PIGB: variants seen among roughly 807,000 people sequenced by gnomAD.
PIGB encodes phosphatidylinositol glycan anchor biosynthesis class B, also known as GPI alpha-1,2-mannosyltransferase 3.
A neutral mutation model predicts 68.4 loss-of-function variants in PIGB; 58 were observed. The observed-to-expected ratio is 0.85, with a 90% CI of 0.69 to 1.06. The LOEUF is 1.06. PIGB is among the 50% of genes least tolerant of loss of function. PIGB has a pLI of 0.00. For missense variants in PIGB, 634 were observed against 655.8 expected (o/e 0.97, Z 0.36); for synonymous variants, 219 against 220.5 (o/e 0.99, Z 0.06).
At chr15:55,329,919 C>T (rs1018513511) in intron 5 of PIGB, 65 bp downstream of exon 5, 1 of 1,242,146 alleles carries the variant, frequency 8.1e-7, no homozygotes, top group African/African-American at 1.5e-5. Flanking sequence ...TAAATATCAA[C>T]ATATTGTAAT....
chr15:55,355,602 T>C lies in PIGB; in HGVS notation c.*170T>C, dbSNP rs1202874839. 3.1e-5 allele frequency: 14 copies of C among 458,146 alleles called. No homozygotes were observed. The highest frequency in any genetic ancestry group is 4.0e-5 in the African/African-American group (2 of 49,656). The allele number at this position is 458,146 out of a possible 1,614,324, so 28.4% of individuals were successfully genotyped here. A position where few individuals can be genotyped will look rare whatever the true frequency, so the allele number is the denominator to read the frequency against. ...AAATACCACATAGTATAAAATTACA[T>C]GTTAATACAATGCCAGATTTTAAAT... On this transcript the variant is annotated 3_prime_UTR_variant, in exon 12 of 12. Transcript: ENST00000164305.
At chr15:55,339,154 T>C (rs2055605620) in intron 6 of PIGB, 113 bp from the exon 7 acceptor site, 1 of 716,178 alleles carries the variant, frequency 1.4e-6, no homozygotes, top group South Asian at 1.7e-5. Flanking sequence ...TTGGTGAAAC[T>C]GTAAAGCATT....
At chr15:55,323,738 CTGT>C (rs1232576275) in intron 3 of PIGB, among the ~76,000 whole-genome samples, 1 of 152,174 alleles carries the variant, frequency 6.6e-6, no homozygotes, top group East Asian at 1.9e-4. Context: ...GGGGTCATCT[CTGT>C]TGTTACTTTT....
At position 55,350,804 on chromosome 15, in the gene PIGB, G is replaced by A. The variant is rs1177927575; in HGVS notation, c.1229G>A (p.Gly410Asp). ...TATACTGGTTTAGTTCATCAACGAG[G>A]TACTCTTGATGTCATGAGTCATATT... ...ALYTGLVHQR[G>D]TLDVMSHIQK... The change falls in exon 10 of 12, where the codon GGT becomes GAT. Residue 410 changes from glycine to aspartate, a missense_variant. Transcript: ENST00000164305. The A allele has an allele frequency of 1.2e-6, 2 of 1,604,196 alleles. No homozygotes were observed.
chr15:55,353,151 A>G (rs1337669491), intron 10 of PIGB, among the ~76,000 whole-genome samples: 1 of 152,216 alleles, frequency 6.6e-6, no homozygotes, highest in African/African-American at 2.4e-5. Flanking sequence ...TTGATGTCTT[A>G]GGCTTTGAAT....
At chr15:55,343,112 T>A (rs1012759128) in intron 9 of PIGB, 1 of 152,180 alleles carries the variant, frequency 6.6e-6, no homozygotes, top group Non-Finnish European at 1.5e-5. Flanking sequence ...GTATAATCTC[T>A]TCAATTTAAG....
chr15:55,332,375 T>G (rs1347571270), intron 5 of PIGB, among the ~76,000 whole-genome samples: 1 of 152,052 alleles, frequency 6.6e-6, no homozygotes, highest in Admixed American at 6.6e-5. Context: ...TCTTTTTTTT[T>G]TTTCTTTTTT....
chr15:55,333,782 A>C, intron 5 of PIGB, 85 bp from the exon 6 acceptor site: 2 of 1,009,952 alleles, frequency 2.0e-6, no homozygotes, highest in Non-Finnish European at 2.8e-6. Context: ...TTTATACCAA[A>C]AGGAAAATGT....
intron 9 of PIGB, among the ~76,000 whole-genome samples, chr15:55,343,807 C>T (rs2141205991): frequency 6.6e-6 from 1 of 152,278 alleles, no homozygotes; most frequent in African/African-American, 2.4e-5. Flanking sequence ...CCTCCACACC[C>T]TACCTAAGGT....
At chr15:55,338,076 G>A (rs1466394673) in intron 6 of PIGB, among the ~76,000 whole-genome samples, 2 of 152,184 alleles carry the variant, frequency 1.3e-5, no homozygotes, top group African/African-American at 2.4e-5. Context: ...GGACAAGGTG[G>A]TGCTGCTAAT....
At chr15:55,340,462 A>C in intron 7 of PIGB, 150 bp from the exon 8 acceptor site, 1 of 492,030 alleles carries the variant, frequency 2.0e-6, no homozygotes, top group Non-Finnish European at 3.5e-6. Context: ...TCTTAAAAAA[A>C]AAAAAAAAAA....
chr15:55,349,908 A>G (rs2055884640), intron 9 of PIGB: 1 of 152,220 alleles, frequency 6.6e-6, no homozygotes, highest in South Asian at 2.1e-4. Flanking sequence ...TTCTCAGTAG[A>G]TCCTAATATG....
chr15:55,334,390 T>A (rs2055489018), intron 6 of PIGB, among the ~76,000 whole-genome samples: 1 of 152,234 alleles, frequency 6.6e-6, no homozygotes, highest in East Asian at 1.9e-4. Flanking sequence ...TGTTTTTATT[T>A]TGTAGTAGAG....
At chr15:55,321,670 T>G (rs1410964296) in intron 3 of PIGB, among the ~76,000 whole-genome samples, 149 of 106,974 alleles carry the variant, frequency 1.4e-3, no homozygotes, top group African/African-American at 5.2e-3. Context: ...TTTTTTTTTT[T>G]GGGACGGAGT....
chr15:55,346,228 ACC>A (rs2055791168), intron 9 of PIGB: 1 of 152,200 alleles, frequency 6.6e-6, no homozygotes, highest in Admixed American at 6.5e-5. Flanking sequence ...TAAAGGAACC[ACC>A]TCATGAAGTA....
intron 9 of PIGB, among the ~76,000 whole-genome samples, chr15:55,348,149 G>C (rs1242930953): frequency 6.6e-6 from 1 of 152,034 alleles, no homozygotes; most frequent in Non-Finnish European, 1.5e-5. Context: ...TCCACACCTA[G>C]CTAATTTTTG....
At chr15:55,334,529 C>T (rs2055492163) in intron 6 of PIGB, among the ~76,000 whole-genome samples, 2 of 152,074 alleles carry the variant, frequency 1.3e-5, no homozygotes, top group African/African-American at 4.8e-5. Flanking sequence ...TCCCAAGTAT[C>T]TAGTAGACTA....
chr15:55,326,982 T>A (rs754088338), intron 3 of PIGB, among the ~76,000 whole-genome samples: 4 of 151,988 alleles, frequency 2.6e-5, no homozygotes, highest in Non-Finnish European at 5.9e-5. Flanking sequence ...TGAGGCAAGA[T>A]TAGCTGAGTG....
intron 3 of PIGB, among the ~76,000 whole-genome samples, chr15:55,325,011 T>C (rs1219077523): frequency 6.6e-6 from 1 of 152,142 alleles, no homozygotes; most frequent in Non-Finnish European, 1.5e-5. Flanking sequence ...AATGTGGACT[T>C]AATGAAGTTT....
Sources: gnomAD v4.1 joint callset for allele counts (sites outside exome capture counted in the v4.1 genomes callset) on GRCh38, gnomAD v4.1.1 for gene constraint, MANE v1.5 for transcripts, NCBI Gene and HGNC (gene_info 2026-07-23, HGNC 2026-07-21) for gene names.